The following LRRC17 variants were observed in gnomAD, a reference collection of about 807,000 sequenced individuals.
LRRC17 encodes the protein leucine-rich repeat-containing protein 17.
A neutral mutation model predicts 41.5 loss-of-function variants in LRRC17; 33 were observed. The ratio of observed to expected loss-of-function variants is 0.80; its 90% CI spans 0.60 to 1.06. The LOEUF (loss-of-function observed/expected upper bound fraction) is 1.06, where lower values mean the gene tolerates loss of function less well. LRRC17 is among the 50% of genes least tolerant of loss of function. LRRC17 has a pLI of 0.00. For synonymous variants in LRRC17, 192 were observed against 197.0 expected, an observed-to-expected ratio of 0.97 and a Z score of 0.21; for missense variants, 491 against 519.3, an observed-to-expected ratio of 0.95 and a Z score of 0.53.
intron 3 of LRRC17, among the ~76,000 whole-genome samples, chr7:102,939,794 C>G (rs952781363): frequency 6.6e-6 from 1 of 152,128 alleles, no homozygotes; most frequent in Non-Finnish European, 1.5e-5. Flanking sequence ...GTATGTAATA[C>G]CACATATTAC....
chr7:102,939,311 T>C, intron 2 of LRRC17, 119 bp from the exon 3 acceptor site: 1 of 796,890 alleles, frequency 1.3e-6, no homozygotes, highest in Non-Finnish European at 1.9e-6. Flanking sequence ...TCTTTGGCTT[T>C]AGATATCCCT....
intron 3 of LRRC17, among the ~76,000 whole-genome samples, chr7:102,940,354 C>T (rs946764909): frequency 2.6e-5 from 4 of 151,896 alleles, no homozygotes; most frequent in Non-Finnish European, 4.4e-5. Flanking sequence ...GAACTACAGG[C>T]ACCCGCCACC....
intron 1 of LRRC17, chr7:102,926,465 A>T (rs747170056): frequency 2.6e-4 from 240 of 940,436 alleles, no homozygotes; most frequent in Middle Eastern, 7.7e-4. Context: ...TTCCTGTTCC[A>T]GAAAAAAATA....
At chr7:102,941,171 T>C (rs1248253698) in intron 3 of LRRC17, among the ~76,000 whole-genome samples, 1 of 152,174 alleles carries the variant, frequency 6.6e-6, no homozygotes, top group Non-Finnish European at 1.5e-5. Context: ...GGGAGTATGT[T>C]TGAACTGTGA....
At chr7:102,914,465 C>T (rs1195761681) in intron 1 of LRRC17, among the ~76,000 whole-genome samples, 4 of 152,162 alleles carry the variant, frequency 2.6e-5, no homozygotes, top group Non-Finnish European at 4.4e-5. Context: ...TATGCAACAG[C>T]TTAATAGCAA....
Position 102,939,508 on chromosome 7 carries a change from G to A in LRRC17, c.851G>A (p.Arg284Gln), listed in dbSNP as rs1820982377. 4 of 1,613,674 alleles carry A rather than the reference G, an allele frequency of 2.5e-6. No homozygotes were observed. The highest frequency in any genetic ancestry group is 1.3e-5 in the African/African-American group (1 of 74,862). ...DLSYNKINQL[R>Q]PKEFEDVHEL... ...TCATACAATAAAATCAACCAACTTC[G>A]ACCCAAGGAATTTGAAGATGTTCAT... The change falls in exon 3 of 4, where the codon CGA (arginine) becomes CAA (glutamine). Residue 284 changes from arginine to glutamine, a missense_variant. Coordinates refer to ENST00000339431, the MANE Select transcript of LRRC17 (RefSeq NM_001031692.3).
At chr7:102,913,671 G>C (rs537440448) in intron 1 of LRRC17, among the ~76,000 whole-genome samples, 1 of 152,344 alleles carries the variant, frequency 6.6e-6, no homozygotes, top group South Asian at 2.1e-4. Context: ...TTACAGGAGA[G>C]TGAGGATTTG....
At chr7:102,937,582 T>C (rs1473092532) in intron 2 of LRRC17, among the ~76,000 whole-genome samples, 1 of 152,172 alleles carries the variant, frequency 6.6e-6, no homozygotes, top group Non-Finnish European at 1.5e-5. Context: ...CTGTGGTTTA[T>C]ATAAATCTAG....
chr7:102,930,233 C>T (rs1195098591), intron 1 of LRRC17, among the ~76,000 whole-genome samples: 5 of 152,152 alleles, frequency 3.3e-5, no homozygotes, highest in Non-Finnish European at 7.4e-5. Context: ...TTTTCACCAG[C>T]GAGGAGGGCT....
chr7:102,944,566 A>C lies in LRRC17; in HGVS notation c.1285A>C (p.Thr429Pro). The C allele has an allele frequency of 6.2e-7, 1 of 1,611,468 alleles. No individual in the cohort carries two copies. The highest frequency in any genetic ancestry group is 8.5e-7 in the Non-Finnish European group (1 of 1,179,368). ...ATGGGAAAAAAAACATAGAGATCAC[A>C]CCGCAAAGAAGCAAAGCGTAATAAT... ...DEWEKKHRDH[T>P]AKKQSVIITI... is the part of the protein sequence containing the mutation. Residue 429 changes from threonine (T) to proline (P), a missense_variant, in exon 4 of 4, where the codon ACC becomes CCC. By Grantham distance (38) the Thr-to-Pro change is conservative. Coordinates refer to ENST00000339431, the MANE Select transcript of LRRC17 (RefSeq NM_001031692.3).
chr7:102,915,126 T>A (rs1046818723), intron 1 of LRRC17, among the ~76,000 whole-genome samples: 27 of 148,394 alleles, frequency 1.8e-4, no homozygotes, highest in African/African-American at 6.4e-4. Context: ...TAAAATATTT[T>A]TTTTTTTTTT....
chr7:102,923,465 A>G (rs1283893865), intron 1 of LRRC17, among the ~76,000 whole-genome samples: 1 of 152,216 alleles, frequency 6.6e-6, no homozygotes, highest in Non-Finnish European at 1.5e-5. Flanking sequence ...CTACAAGAAC[A>G]CAGATAAAGT....
At chr7:102,938,687 T>C (rs1027534541) in intron 2 of LRRC17, among the ~76,000 whole-genome samples, 7 of 152,230 alleles carry the variant, frequency 4.6e-5, no homozygotes, top group African/African-American at 1.4e-4. Flanking sequence ...TATATTTATA[T>C]ACTCTTTATC....
At chr7:102,922,650 A>G (rs1451965354) in intron 1 of LRRC17, among the ~76,000 whole-genome samples, 1 of 152,194 alleles carries the variant, frequency 6.6e-6, no homozygotes, top group Non-Finnish European at 1.5e-5. Context: ...AAACTCTTAT[A>G]AATGTAGCCA....
At chr7:102,942,183 C>T (rs1308930054) in intron 3 of LRRC17, 8 of 754,122 alleles carry the variant, frequency 1.1e-5, no homozygotes, top group Non-Finnish European at 1.8e-5. Context: ...TACCAAATGC[C>T]AAGCACTTTC....
At chr7:102,942,137 C>T (rs1821578587) in intron 3 of LRRC17, among the ~76,000 whole-genome samples, 1 of 152,126 alleles carries the variant, frequency 6.6e-6, no homozygotes, top group South Asian at 2.1e-4. Flanking sequence ...ATCTCAGGAA[C>T]GTATTTCCTA....
chr7:102,926,381 G>C (rs2129472065), intron 1 of LRRC17: 3 of 1,606,946 alleles, frequency 1.9e-6, no homozygotes, highest in East Asian at 4.5e-5. Context: ...CATCCTGCAT[G>C]AAAAACAGAG....
At chr7:102,925,650 T>C (rs1028700293) in intron 1 of LRRC17, among the ~76,000 whole-genome samples, 14 of 152,004 alleles carry the variant, frequency 9.2e-5, no homozygotes, top group African/African-American at 2.9e-4. Flanking sequence ...CATTCTATTA[T>C]AAAGAGGTCC....
chr7:102,923,794 C>T (rs1196515011), intron 1 of LRRC17, among the ~76,000 whole-genome samples: 5 of 151,790 alleles, frequency 3.3e-5, no homozygotes, highest in Non-Finnish European at 7.4e-5. Context: ...CACTGTACTC[C>T]AGCCTGGGTG....
Sources: allele counts gnomAD v4.1 joint callset (sites outside exome capture counted in the v4.1 genomes callset), GRCh38; gene constraint gnomAD v4.1.1; transcripts MANE v1.5; gene names NCBI Gene and HGNC (gene_info 2026-07-23, HGNC 2026-07-21).